CSMD1: variants seen among roughly 807,000 people sequenced by gnomAD.
The protein encoded by CSMD1 is CUB and Sushi multiple domains 1.
A neutral mutation model predicts 417.5 loss-of-function variants in CSMD1; 213 were observed. The ratio of observed to expected loss-of-function variants is 0.51; its 90% CI spans 0.46 to 0.57. The LOEUF (loss-of-function observed/expected upper bound fraction) is 0.57. CSMD1 is among the 20% of genes least tolerant of loss of function. The pLI, the probability that CSMD1 is intolerant of heterozygous loss-of-function variation, is 0.00. For synonymous variants in CSMD1, 2,862 were observed against 1,736.8 expected (o/e 1.65, Z -16.11); for missense variants, 6,923 against 4,529.7 (o/e 1.53, Z -15.17).
intron 6 of CSMD1, among the ~76,000 whole-genome samples, chr8:3,746,931 T>C (rs566231620): frequency 6.6e-6 from 1 of 152,342 alleles, no homozygotes; most frequent in Admixed American, 6.5e-5. Context: ...CCTGTCAGCT[T>C]TCTGCCTGGA....
chr8:3,295,170 G>A (rs1290841724), intron 25 of CSMD1, among the ~76,000 whole-genome samples: 1 of 151,876 alleles, frequency 6.6e-6, no homozygotes, highest in Non-Finnish European at 1.5e-5. Flanking sequence ...TGTTGCCCAG[G>A]TTGGAGTGCA....
At chr8:4,544,108 G>T (rs772035150) in intron 2 of CSMD1, among the ~76,000 whole-genome samples, 1 of 151,754 alleles carries the variant, frequency 6.6e-6, no homozygotes, top group Non-Finnish European at 1.5e-5. Context: ...TCTTTCTTAG[G>T]GTTCTTAATT....
intron 3 of CSMD1, among the ~76,000 whole-genome samples, chr8:4,051,841 TTTC>T: frequency 7.1e-6 from 1 of 140,836 alleles, no homozygotes; most frequent in East Asian, 2.2e-4. Flanking sequence ...CTTTCTTTTC[TTTC>T]TTTTCTTTTC....
intron 49 of CSMD1, among the ~76,000 whole-genome samples, chr8:3,070,450 A>C (rs1813257450): frequency 2.0e-5 from 3 of 152,236 alleles, no homozygotes; most frequent in Non-Finnish European, 4.4e-5. Flanking sequence ...CAGCCAGGCC[A>C]CATCTTGAAT....
intron 10 of CSMD1, among the ~76,000 whole-genome samples, chr8:3,557,571 G>A (rs1285094887): frequency 6.6e-6 from 1 of 151,932 alleles, no homozygotes. Flanking sequence ...AGGTGAGCAA[G>A]TCCTGAATTG....
rs1239575735 is a variant in CSMD1, at chr8:2,937,357, C to T, written c.*1228G>A. 1 of 147,328 alleles carries T rather than the reference C, an allele frequency of 6.8e-6. No individual in the cohort carries two copies. Among genetic ancestry groups the T allele is most frequent in the African/African-American group, 2.5e-5 (1 of 39,732 alleles). The allele number at this position is 147,328 out of a possible 1,614,324, so 9.1% of individuals were successfully genotyped here. A position where few individuals can be genotyped will look rare whatever the true frequency, so the allele number is the denominator to read the frequency against. On this transcript the variant is annotated 3_prime_UTR_variant, in exon 70 of 70. Transcript: ENST00000635120. ...GAACACTTGGTATTTTGATCCTGAA[C>T]AATTTTCACTGAGTTCAAGGTGCTA...
chr8:3,306,214 G>C (rs1332087614), intron 25 of CSMD1, among the ~76,000 whole-genome samples: 2 of 151,814 alleles, frequency 1.3e-5, no homozygotes, highest in East Asian at 1.9e-4. Flanking sequence ...TACTAAGCTT[G>C]ATAGGGTGGC....
At chr8:4,762,084 G>C (rs1029298347) in intron 1 of CSMD1, among the ~76,000 whole-genome samples, 1 of 152,046 alleles carries the variant, frequency 6.6e-6, no homozygotes, top group East Asian at 1.9e-4. Context: ...AAGTATAGTA[G>C]CTGGTGTTTT....
At chr8:4,597,007 C>G (rs1037917061) in intron 2 of CSMD1, among the ~76,000 whole-genome samples, 2 of 152,186 alleles carry the variant, frequency 1.3e-5, no homozygotes, top group Non-Finnish European at 2.9e-5. Context: ...GATTCTGAGG[C>G]CTCCCAGCCA....
chr8:3,470,821 G>C (rs1456044102), intron 11 of CSMD1, among the ~76,000 whole-genome samples: 2 of 152,150 alleles, frequency 1.3e-5, no homozygotes, highest in South Asian at 2.1e-4. Context: ...ATTCCTGGAA[G>C]ATTTATCCCA....
At chr8:3,752,626 C>A (rs1797402595) in intron 6 of CSMD1, among the ~76,000 whole-genome samples, 1 of 141,866 alleles carries the variant, frequency 7.0e-6, no homozygotes, top group South Asian at 2.2e-4. Context: ...TGCACTCCAG[C>A]CCAGACAACA....
intron 1 of CSMD1, among the ~76,000 whole-genome samples, chr8:4,865,735 A>G (rs1369907341): frequency 6.6e-6 from 1 of 151,930 alleles, no homozygotes; most frequent in Non-Finnish European, 1.5e-5. Context: ...AAATTTACTT[A>G]ATATAAGAGA....
intron 3 of CSMD1, among the ~76,000 whole-genome samples, chr8:4,106,131 C>T (rs776265228): frequency 3.9e-5 from 6 of 152,078 alleles, no homozygotes; most frequent in Non-Finnish European, 7.4e-5. Flanking sequence ...AAGTGACCAT[C>T]GATTTATTAC....
chr8:3,767,914 T>G (rs1007252497), intron 5 of CSMD1, among the ~76,000 whole-genome samples: 1 of 152,198 alleles, frequency 6.6e-6, no homozygotes, highest in Non-Finnish European at 1.5e-5. Context: ...TCCCAACTTC[T>G]TAGCTTTTTT....
At chr8:4,858,626 C>G (rs1474246333) in intron 1 of CSMD1, among the ~76,000 whole-genome samples, 1 of 151,988 alleles carries the variant, frequency 6.6e-6, no homozygotes, top group Non-Finnish European at 1.5e-5. Context: ...CAACAACAGA[C>G]AAACAGAGAG....
intron 7 of CSMD1, among the ~76,000 whole-genome samples, chr8:3,660,772 C>T (rs963404356): frequency 2.0e-5 from 3 of 152,130 alleles, no homozygotes; most frequent in South Asian, 2.1e-4. Context: ...CCACACACCT[C>T]GGCCTCTCAA....
chr8:4,847,452 T>C (rs892134991), intron 1 of CSMD1, among the ~76,000 whole-genome samples: 3 of 151,768 alleles, frequency 2.0e-5, no homozygotes, highest in Non-Finnish European at 2.9e-5. Flanking sequence ...GTGTAGATTG[T>C]ACAGAGAATT....
intron 5 of CSMD1, among the ~76,000 whole-genome samples, chr8:3,943,597 A>T (rs544587351): frequency 7.2e-5 from 11 of 152,260 alleles, no homozygotes; most frequent in African/African-American, 2.6e-4. Flanking sequence ...TTTCATTTGA[A>T]ATAGCTGGTA....
intron 2 of CSMD1, among the ~76,000 whole-genome samples, chr8:4,426,191 C>T (rs913083444): frequency 2.6e-5 from 4 of 151,722 alleles, no homozygotes; most frequent in African/African-American, 9.7e-5. Context: ...AGACTGGAAT[C>T]TGTGAATTAA....
Sources: gnomAD v4.1 joint callset for allele counts (sites outside exome capture counted in the v4.1 genomes callset) on GRCh38, gnomAD v4.1.1 for gene constraint, MANE v1.5 for transcripts, NCBI Gene and HGNC (gene_info 2026-07-23, HGNC 2026-07-21) for gene names.